GDI2: variants seen among roughly 807,000 people sequenced by gnomAD.
GDI2 encodes rab GDP dissociation inhibitor beta.
GDI2 carries 22 observed loss-of-function variants against 54.2 expected under a neutral mutation model. That is an observed-to-expected ratio of 0.41 (90% CI 0.29 to 0.58). GDI2 has a LOEUF of 0.58. Among genes scored for constraint, GDI2 ranks in the 20% least tolerant of loss-of-function variants. The pLI, the probability that GDI2 is intolerant of heterozygous loss-of-function variation, is 0.35. For synonymous variants in GDI2, 177 were observed against 182.1 expected (o/e 0.97, Z 0.23); for missense variants, 422 against 546.0 (o/e 0.77, Z 2.26).
intron 4 of GDI2, among the ~76,000 whole-genome samples, chr10:5,791,046 T>C (rs924542736): frequency 6.6e-6 from 1 of 152,030 alleles, no homozygotes; most frequent in Admixed American, 6.6e-5. Flanking sequence ...GATATGCCTC[T>C]TTTGGGAGGC....
chr10:5,808,239 C>G (rs1455516948), intron 1 of GDI2, among the ~76,000 whole-genome samples: 1 of 152,128 alleles, frequency 6.6e-6, no homozygotes, highest in Non-Finnish European at 1.5e-5. Flanking sequence ...GTGGGAGGAT[C>G]ATTTGAGCCT....
chr10:5,806,286 G>C (rs1478170305), intron 1 of GDI2, among the ~76,000 whole-genome samples: 1 of 151,836 alleles, frequency 6.6e-6, no homozygotes, highest in Non-Finnish European at 1.5e-5. Flanking sequence ...GTTGATTAAT[G>C]ATTAGGGACC....
At chr10:5,767,143 G>C (rs1219043741) in intron 8 of GDI2, among the ~76,000 whole-genome samples, 1 of 151,928 alleles carries the variant, frequency 6.6e-6, no homozygotes, top group Non-Finnish European at 1.5e-5. Flanking sequence ...CCAGTTAACT[G>C]TGTCATTTCC....
intron 3 of GDI2, among the ~76,000 whole-genome samples, chr10:5,795,717 C>T (rs1208504441): frequency 6.6e-6 from 1 of 152,104 alleles, no homozygotes; most frequent in South Asian, 2.1e-4. Context: ...ATTGTTTGAG[C>T]CCAAGAGTCC....
chr10:5,777,309 C>CA (rs1253558816), intron 6 of GDI2, among the ~76,000 whole-genome samples: 2 of 152,096 alleles, frequency 1.3e-5, no homozygotes, highest in Non-Finnish European at 2.9e-5. Context: ...ACTATCTCCA[C>CA]AAAAAATACA....
At chr10:5,809,666 G>A (rs948942477) in intron 1 of GDI2, among the ~76,000 whole-genome samples, 3 of 152,178 alleles carry the variant, frequency 2.0e-5, no homozygotes, top group Non-Finnish European at 4.4e-5. Context: ...GACAGGTTCT[G>A]TGTTTACCTT....
At chr10:5,796,384 T>C (rs938581288) in intron 3 of GDI2, among the ~76,000 whole-genome samples, 21 of 152,024 alleles carry the variant, frequency 1.4e-4, no homozygotes, top group African/African-American at 4.8e-4. Context: ...TTAGATCCTC[T>C]AAAATTAAAA....
intron 6 of GDI2, among the ~76,000 whole-genome samples, chr10:5,783,509 CTTGT>C (rs1840806899): frequency 1.3e-5 from 2 of 152,072 alleles, no homozygotes; most frequent in Middle Eastern, 3.4e-3. Context: ...GCCTGAACAC[CTTGT>C]TTTTTTTCTT....
intron 2 of GDI2, among the ~76,000 whole-genome samples, chr10:5,797,819 G>C (rs963994639): frequency 5.9e-5 from 9 of 152,036 alleles, no homozygotes; most frequent in Admixed American, 5.2e-4. Flanking sequence ...GCAGAACTAG[G>C]GTGTCACTGA....
chr10:5,799,228 T>C (rs1202181920), intron 2 of GDI2, among the ~76,000 whole-genome samples: 1 of 152,032 alleles, frequency 6.6e-6, no homozygotes, highest in East Asian at 1.9e-4. Flanking sequence ...GCCCCGCTAC[T>C]TAGGAGGCTG....
Position 5,791,166 on chromosome 10 carries a change from A to G in GDI2, c.388+3719T>C, listed in dbSNP as rs1841003479. Reference sequence around the variant, plus strand: ...AAATTGCACCATTATAGGCATGTGTATCCCTATAGTCCCAGCTACTCAGGA... The same window carrying G: ...AAATTGCACCATTATAGGCATGTGTGTCCCTATAGTCCCAGCTACTCAGGA... On this transcript the variant is annotated intron_variant, in intron 4 of 10. Coordinates refer to ENST00000380191, the MANE Select transcript of GDI2 (RefSeq NM_001494.4). Among the ~76,000 whole-genome samples the G allele has an allele frequency of 2.0e-5, 3 of 152,184 alleles. No homozygotes were observed. The South Asian group carries it at 6.2e-4, about 32-fold the overall frequency.
In GDI2 at chr10:5,776,276, C is replaced by T. The variant is rs77074885; in HGVS notation, c.720-2335G>A. ...CCAAGACAGGTGGAAAAGGGCCCAG[C>T]GTGAAAAGACTGAAAGCCCAGCAGA... On this transcript the variant is annotated intron_variant, in intron 6 of 10. Transcript: ENST00000380191. The surrounding 1 kb of genome is among the most constrained non-coding windows in gnomAD (Gnocchi z 5.3). The T allele has an allele frequency of 0.041, 21,409 of 524,046 alleles. 596 individuals are homozygous for T. Among genetic ancestry groups the T allele is most frequent in the Non-Finnish European group, 0.049 (13,658 of 278,878 alleles). 32.5% of individuals were successfully genotyped at this position (524,046 alleles called of 1,614,324 possible).
At chr10:5,779,981 A>T (rs1840714697) in intron 6 of GDI2, among the ~76,000 whole-genome samples, 1 of 152,096 alleles carries the variant, frequency 6.6e-6, no homozygotes, top group Admixed American at 6.5e-5. Flanking sequence ...GGCATGAGCC[A>T]CCATGCTCAC....
chr10:5,809,654 T>C (rs904462350), intron 1 of GDI2, among the ~76,000 whole-genome samples: 1 of 152,240 alleles, frequency 6.6e-6, no homozygotes, highest in African/African-American at 2.4e-5. Context: ...AAGCTACTTA[T>C]AGACAGGTTC....
At chr10:5,783,675 G>A (rs1251336289) in intron 6 of GDI2, among the ~76,000 whole-genome samples, 1 of 152,120 alleles carries the variant, frequency 6.6e-6, no homozygotes, top group African/African-American at 2.4e-5. Flanking sequence ...GCACTTGTTT[G>A]TGTGAAAAAG....
intron 1 of GDI2, among the ~76,000 whole-genome samples, chr10:5,802,826 A>G (rs1841299273): frequency 6.6e-6 from 1 of 152,194 alleles, no homozygotes. Context: ...AGGAGGAAAA[A>G]AGAGGAATTC....
intron 1 of GDI2, among the ~76,000 whole-genome samples, chr10:5,810,984 G>A (rs1291782803): frequency 2.6e-5 from 4 of 152,272 alleles, no homozygotes; most frequent in African/African-American, 7.2e-5. Context: ...GAAAGTACTT[G>A]CCTTTTTTTA....
chr10:5,783,553 T>C (rs1355814856), intron 6 of GDI2, among the ~76,000 whole-genome samples: 1 of 152,220 alleles, frequency 6.6e-6, no homozygotes, highest in East Asian at 1.9e-4. Context: ...AGGTCCTGTG[T>C]GATTTATGCT....
intron 4 of GDI2, among the ~76,000 whole-genome samples, chr10:5,789,689 T>TA (rs1390108141): frequency 6.4e-4 from 98 of 152,370 alleles, no homozygotes; most frequent in African/African-American, 2.3e-3. Flanking sequence ...AAAATATATG[T>TA]AGATATTATT....
Sources: allele counts gnomAD v4.1 joint callset (sites outside exome capture counted in the v4.1 genomes callset), GRCh38; gene constraint gnomAD v4.1.1; non-coding constraint Gnocchi (gnomAD v3.1); transcripts MANE v1.5; gene names NCBI Gene and HGNC (gene_info 2026-07-23, HGNC 2026-07-21).